Variants in GREB1 observed in about 807,000 individuals in gnomAD.
GREB1 encodes the protein growth regulating estrogen receptor binding 1, also known as protein GREB1.
A neutral mutation model predicts 200.7 loss-of-function variants in GREB1; 106 were observed. The ratio of observed to expected loss-of-function variants is 0.53; its 90% CI spans 0.45 to 0.62. The LOEUF (loss-of-function observed/expected upper bound fraction) is 0.62, where lower values mean the gene tolerates loss of function less well. GREB1 is among the 20% of genes least tolerant of loss of function. The pLI is 0.00. For synonymous variants in GREB1, 1,132 were observed against 1,092.4 expected (o/e 1.04, Z -0.72); for missense variants, 2,243 against 2,556.8 (o/e 0.88, Z 2.65).
chr2:11,525,330 C>A (rs752611717), intron 1 of GREB1, among the ~76,000 whole-genome samples: 1 of 151,912 alleles, frequency 6.6e-6, no homozygotes, highest in Non-Finnish European at 1.5e-5. Context: ...CATGGTGAAA[C>A]CCCATCTCTA....
intron 1 of GREB1, among the ~76,000 whole-genome samples, chr2:11,502,751 T>C (rs191463187): frequency 2.6e-5 from 4 of 152,364 alleles, no homozygotes; most frequent in African/African-American, 9.6e-5. Flanking sequence ...GTACTTTATA[T>C]GTGCCTACAT....
intron 1 of GREB1, among the ~76,000 whole-genome samples, chr2:11,483,592 C>G (rs1489869998): frequency 1.3e-5 from 2 of 151,784 alleles, no homozygotes; most frequent in African/African-American, 4.8e-5. Context: ...GGCCCCTGCA[C>G]TTGAAGAGGA....
intron 1 of GREB1, among the ~76,000 whole-genome samples, chr2:11,552,852 A>C (rs1332213579): frequency 3.9e-5 from 6 of 151,982 alleles, no homozygotes; most frequent in Admixed American, 3.9e-4. Context: ...TCTACTAAAA[A>C]TACAAAAATT....
At chr2:11,501,439 G>T (rs1673034497) in intron 1 of GREB1, among the ~76,000 whole-genome samples, 1 of 152,182 alleles carries the variant, frequency 6.6e-6, no homozygotes, top group Non-Finnish European at 1.5e-5. Context: ...TGTTGCCCTG[G>T]CTGGAGTGCA....
intron 1 of GREB1, among the ~76,000 whole-genome samples, chr2:11,546,621 C>T (rs1675304402): frequency 6.6e-6 from 1 of 152,202 alleles, no homozygotes; most frequent in Non-Finnish European, 1.5e-5. Flanking sequence ...GTAATAGGGA[C>T]TTTACAAACT....
At position 11,493,108 on chromosome 2, in the gene GREB1, A is replaced by G. The variant is rs924691189; in HGVS notation, c.-159+10727A>G. On this transcript the variant is annotated intron_variant, in intron 1 of 2. Coordinates refer to the GREB1 transcript ENST00000628795. The surrounding 1 kb of genome is among the most constrained non-coding windows in gnomAD (Gnocchi z 4.6). ...AGACACCTTGAGTAGCATCCCAACT[A>G]TATGATTTTCAACTTGGTTAAACAA... Among the ~76,000 whole-genome samples the G allele has an allele frequency of 6.6e-6, 1 of 152,166 alleles. No homozygotes were observed. Among genetic ancestry groups the G allele is most frequent in the African/African-American group, 2.4e-5 (1 of 41,442 alleles).
At position 11,556,635 on chromosome 2, in the gene GREB1, A is replaced by T. The variant is rs760320490; in HGVS notation, c.21A>T (p.Gly7=). ...TGAAGATGGGAAATTCTTACGCTGG[A>T]CAGCTGAAGACGACACGCTTTGAAG... MGNSYA[G]QLKTTRFEEV... The change falls in exon 2 of 33, where the codon GGA becomes GGT. Residue 7 remains glycine, a synonymous_variant. Coordinates refer to ENST00000381486, the MANE Select transcript of GREB1 (RefSeq NM_014668.4). 3 of 1,612,204 alleles carry T rather than the reference A, an allele frequency of 1.9e-6. No homozygotes were observed. Among genetic ancestry groups the T allele is most frequent in the Non-Finnish European group, 2.5e-6 (3 of 1,179,134 alleles).
chr2:11,635,175 C>T lies in GREB1; in HGVS notation c.5211-95C>T, dbSNP rs1368722529. ...GAAGCCCACTCCACCTTCATAGCCC[C>T]CTACGATGGGGACCCACACTCTAGG... is the stretch of plus-strand genomic sequence containing the variant. On this transcript the variant is annotated intron_variant, in intron 29 of 32. Coordinates refer to ENST00000381486, the MANE Select transcript of GREB1 (RefSeq NM_014668.4). 4.8e-6 allele frequency: 7 copies of T among 1,466,236 alleles called. No homozygotes were observed. In the South Asian group the frequency reaches 6.1e-5, roughly 13 times the overall value. The allele number at this position is 1,466,236 out of a possible 1,614,324, so 90.8% of individuals were successfully genotyped here.
chr2:11,625,133 A>T, intron 23 of GREB1, 21 bp from the exon 24 acceptor site: 1 of 1,597,976 alleles, frequency 6.3e-7, no homozygotes, highest in South Asian at 1.1e-5. Flanking sequence ...TGTCACATCT[A>T]TGTTTCTACC....
intron 17 of GREB1, among the ~76,000 whole-genome samples, chr2:11,609,242 T>TTTTTTTTTTTTA (rs142161972): frequency 4.4e-5 from 6 of 136,878 alleles, no homozygotes; most frequent in Non-Finnish European, 6.2e-5. Flanking sequence ...GGCATTATTA[T>TTTTTTTTTTTTA]TTTATTTATT....
At chr2:11,605,636 T>C (rs1055378479) in intron 17 of GREB1, among the ~76,000 whole-genome samples, 6 of 152,214 alleles carry the variant, frequency 3.9e-5, no homozygotes, top group Admixed American at 2.6e-4. Flanking sequence ...TCCTGTCCTT[T>C]TCCCACAGTA....
At chr2:11,551,633 T>G (rs1046782642) in intron 1 of GREB1, among the ~76,000 whole-genome samples, 1 of 152,270 alleles carries the variant, frequency 6.6e-6, no homozygotes, top group African/African-American at 2.4e-5. Flanking sequence ...CCCTTGGAGT[T>G]TTCGTGCCTT....
At chr2:11,609,583 A>G (rs940815775) in intron 17 of GREB1, among the ~76,000 whole-genome samples, 4 of 152,152 alleles carry the variant, frequency 2.6e-5, no homozygotes, top group Non-Finnish European at 5.9e-5. Context: ...AGTCCCCTTC[A>G]TGCCAGAGTC....
At position 11,597,326 on chromosome 2, in the gene GREB1, A is replaced by G. The variant is rs1176367164; in HGVS notation, c.1955-455A>G. 1.3e-5 allele frequency among the ~76,000 whole-genome samples: 2 copies of G among 152,058 alleles called. No individual in the cohort carries two copies. Among genetic ancestry groups the G allele is most frequent in the Non-Finnish European group, 2.9e-5 (2 of 67,980 alleles). The stretch of plus-strand genomic sequence containing the variant: ...AATTGCACATCCATCACTGTCTCTG[A>G]GGTGATAGATTTTTCTATGCCAATT... On this transcript the variant is annotated intron_variant, in intron 13 of 32. Transcript: ENST00000381486. The surrounding 1 kb of genome is among the most constrained non-coding windows in gnomAD (Gnocchi z 4.1).
chr2:11,631,803 G>A, intron 26 of GREB1, 106 bp from the exon 27 acceptor site: 1 of 844,086 alleles, frequency 1.2e-6, no homozygotes, highest in Non-Finnish European at 2.0e-6. Flanking sequence ...AGCAGTGTAG[G>A]CATGGTCATC....
rs373285759 is a variant in GREB1, at chr2:11,618,793, C to T, written c.3918C>T (p.Thr1306=). 195 of 1,610,842 alleles carry T rather than the reference C, an allele frequency of 1.2e-4. No individual in the cohort carries two copies. The highest frequency in any genetic ancestry group is 4.9e-4 in the Middle Eastern group (3 of 6,062). Residue 1306 remains threonine (T), a synonymous_variant, in exon 22 of 33, where the codon ACC becomes ACT. Coordinates refer to ENST00000381486, the MANE Select transcript of GREB1 (RefSeq NM_014668.4). ...TGCTCAGCAAGACCATGACATCCACCGAGCAGTCCCTCTACTACCGGCAGT... is the reference window on the plus strand; with the variant it reads ...TGCTCAGCAAGACCATGACATCCACTGAGCAGTCCCTCTACTACCGGCAGT... The part of the protein sequence containing the change: ...RPLLSKTMTS[T]EQSLYYRQWT...
At chr2:11,518,827 G>C (rs1346681175) in intron 1 of GREB1, among the ~76,000 whole-genome samples, 1 of 152,062 alleles carries the variant, frequency 6.6e-6, no homozygotes, top group Non-Finnish European at 1.5e-5. Flanking sequence ...CGCCAGGCGA[G>C]GTGGCTCACT....
At position 11,629,876 on chromosome 2, in the gene GREB1, A is replaced by G. The variant is rs1684747939; in HGVS notation, c.4450-72A>G. ...TGTGAGCTGCACGTTGTCACAGCAGAGTGGGCCTGGGGTCTTCTGGGAAGC... is the reference window on the plus strand; with the variant it reads ...TGTGAGCTGCACGTTGTCACAGCAGGGTGGGCCTGGGGTCTTCTGGGAAGC... On this transcript the variant is annotated intron_variant, in intron 25 of 32. Coordinates refer to ENST00000381486, the MANE Select transcript of GREB1 (RefSeq NM_014668.4). The surrounding 1 kb of genome is among the most constrained non-coding windows in gnomAD (Gnocchi z 5.2). The G allele has an allele frequency of 6.8e-7, 1 of 1,466,462 alleles. No homozygotes were observed. Among genetic ancestry groups the G allele is most frequent in the Admixed American group, 1.7e-5 (1 of 57,732 alleles). 90.8% of individuals were successfully genotyped at this position (1,466,462 alleles called of 1,614,324 possible).
Position 11,576,512 on chromosome 2 carries a change from C to A in GREB1, c.614C>A (p.Pro205His). The part of the protein sequence containing the change: ...RNAQGTLTKG[P>H]LICWKGSEFR... The stretch of plus-strand genomic sequence containing the variant: ...GCACAAGGGACTCTAACCAAAGGAC[C>A]TTTAATCTGTTGGAAAGGCTCAGGT... Residue 205 changes from proline to histidine, a missense_variant, in exon 5 of 33, where the codon CCT becomes CAT. Transcript: ENST00000381486. The A allele has an allele frequency of 4.3e-6, 7 of 1,613,354 alleles. No individual in the cohort carries two copies. In the South Asian group the frequency reaches 7.7e-5, roughly 18 times the overall value.
Sources: allele counts gnomAD v4.1 joint callset (sites outside exome capture counted in the v4.1 genomes callset), GRCh38; gene constraint gnomAD v4.1.1; non-coding constraint Gnocchi (gnomAD v3.1); transcripts MANE v1.5; gene names NCBI Gene and HGNC (gene_info 2026-07-23, HGNC 2026-07-21).